Variants in RGS12 observed in about 807,000 individuals in gnomAD.
The protein encoded by RGS12 is regulator of G protein signaling 12.
In RGS12, 66 loss-of-function variants were observed where a neutral mutation model predicts 120.1. The ratio of observed to expected loss-of-function variants is 0.55; its 90% confidence interval spans 0.45 to 0.67. The LOEUF (loss-of-function observed/expected upper bound fraction) is 0.67. Among genes scored for constraint, RGS12 ranks in the 30% least tolerant of loss-of-function variants. RGS12 has a pLI of 0.00. For missense variants in RGS12, 1,859 were observed against 1,957.7 expected (o/e 0.95, Z 0.95); for synonymous variants, 827 against 804.7 (o/e 1.03, Z -0.47).
At chr4:3,308,386 C>T (rs116817306) in intron 1 of RGS12, among the ~76,000 whole-genome samples, 2,270 of 152,242 alleles carry the variant, frequency 0.015, 44 homozygotes, top group African/African-American at 0.048. Context: ...GTTGGCTCGG[C>T]GCTCCTCTTG....
At chr4:3,305,263 G>A (rs3129309) in intron 1 of RGS12, among the ~76,000 whole-genome samples, 21,678 of 152,156 alleles carry the variant, frequency 0.14, 2,005 homozygotes, top group Middle Eastern at 0.27. Context: ...GAAGCGAGTC[G>A]CTAGGTCCAG....
At chr4:3,438,862 G>A (rs1366635876) in intron 17 of RGS12, among the ~76,000 whole-genome samples, 1 of 152,170 alleles carries the variant, frequency 6.6e-6, no homozygotes, top group African/African-American at 2.4e-5. Context: ...GGATGGAGGG[G>A]GAGGGGACAC....
chr4:3,373,112 G>A (rs1185077261), intron 3 of RGS12, among the ~76,000 whole-genome samples: 1 of 152,216 alleles, frequency 6.6e-6, no homozygotes, highest in African/African-American at 2.4e-5. Flanking sequence ...CCGTGTTGGA[G>A]CCTGGGGAAG....
chr4:3,305,468 GCT>G (rs1723920494), intron 1 of RGS12, among the ~76,000 whole-genome samples: 1 of 152,176 alleles, frequency 6.6e-6, no homozygotes, highest in Non-Finnish European at 1.5e-5. Flanking sequence ...CTCTAAACTG[GCT>G]CTAGGTGGGC....
chr4:3,348,556 A>G (rs554561361), intron 3 of RGS12, among the ~76,000 whole-genome samples: 3 of 152,212 alleles, frequency 2.0e-5, no homozygotes, highest in South Asian at 2.1e-4. Flanking sequence ...AGGAATGTCA[A>G]TGTGACAGTT....
Position 3,422,408 on chromosome 4 carries a change from G to A in RGS12, c.2871G>A (p.Lys957=), listed in dbSNP as rs774613165. ...CCTGCAGGACTTTGGCACCCGAGAA[G>A]GACAAGGCCACCAAGCACTGCTGCA... is the stretch of plus-strand genomic sequence containing the variant. ...SEACRTLAPE[K]DKATKHCCIH... Residue 957 remains lysine, a synonymous_variant, in exon 11 of 18, where the codon AAG becomes AAA. Coordinates refer to ENST00000336727, the MANE Select transcript of RGS12 (RefSeq NM_001394154.1). 82 of 1,612,698 alleles carry A rather than the reference G, an allele frequency of 5.1e-5. No individual in the cohort carries two copies. The highest frequency in any genetic ancestry group is 1.6e-4 in the Middle Eastern group (1 of 6,080).
rs762584244 is a variant in RGS12 at position 3,423,508 on chromosome 4, C to T, written c.3108-7C>T. Reference sequence around the variant, plus strand: ...AGTTGGTAGTGAATTTTTTCATCCCCCACCAGGCTGGATCTTGTTCCGATT... The same window carrying T: ...AGTTGGTAGTGAATTTTTTCATCCCTCACCAGGCTGGATCTTGTTCCGATT... On this transcript the variant is annotated splice_polypyrimidine_tract_variant and splice_region_variant and intron_variant, in intron 12 of 17. Coordinates refer to ENST00000336727, the MANE Select transcript of RGS12 (RefSeq NM_001394154.1). The T allele has an allele frequency of 1.2e-6, 2 of 1,612,948 alleles. No individual in the cohort carries two copies. Among genetic ancestry groups the T allele is most frequent in the Non-Finnish European group, 1.7e-6 (2 of 1,179,674 alleles).
intron 3 of RGS12, among the ~76,000 whole-genome samples, chr4:3,383,289 CT>C: frequency 6.6e-6 from 1 of 152,178 alleles, no homozygotes; most frequent in African/African-American, 2.4e-5. Context: ...TCCCTTTACT[CT>C]TTTTGGAGTA....
chr4:3,309,320 C>T (rs116600133), intron 1 of RGS12, among the ~76,000 whole-genome samples: 2,425 of 128,444 alleles, frequency 0.019, 150 homozygotes, highest in African/African-American at 0.071. Context: ...TGAGGAGAAC[C>T]GGGTGGGAGA....
At chr4:3,335,464 G>A (rs1037746917) in intron 2 of RGS12, among the ~76,000 whole-genome samples, 1 of 152,104 alleles carries the variant, frequency 6.6e-6, no homozygotes, top group Non-Finnish European at 1.5e-5. Context: ...CTATGACACC[G>A]ACAGGGTCTC....
chr4:3,425,308 A>G, intron 13 of RGS12, 156 bp from the exon 14 acceptor site: 1 of 699,350 alleles, frequency 1.4e-6, no homozygotes, highest in East Asian at 2.5e-5. Flanking sequence ...GCTCAGCCCC[A>G]GCTTGTGTGC....
chr4:3,368,529 G>A lies in RGS12; in HGVS notation c.1999-17887G>A, dbSNP rs867707274. On this transcript the variant is annotated intron_variant, in intron 3 of 17. Transcript: ENST00000336727. ...GGGTGCCTGTGTGTGTGTGGGGTAC[G>A]TGTGTGTGTGGGGTACGTGTGTGGG... 4.1e-4 allele frequency among the ~76,000 whole-genome samples: 51 copies of A among 123,934 alleles called. 1 individual carries two copies. Among genetic ancestry groups the A allele is most frequent in the Middle Eastern group, 4.7e-3 (1 of 212 alleles). 81.3% of individuals were successfully genotyped at this position (123,934 alleles called of 152,430 possible).
chr4:3,355,102 A>G (rs1033160742), intron 3 of RGS12, among the ~76,000 whole-genome samples: 3 of 152,206 alleles, frequency 2.0e-5, no homozygotes, highest in African/African-American at 7.2e-5. Context: ...AGGGTAACAT[A>G]CACATTTGTT....
At chr4:3,342,729 T>A (rs555964873) in intron 2 of RGS12, among the ~76,000 whole-genome samples, 2 of 152,180 alleles carry the variant, frequency 1.3e-5, no homozygotes, top group Non-Finnish European at 2.9e-5. Flanking sequence ...TACTTGACGA[T>A]CCTGGGATGA....
chr4:3,386,044 G>A (rs1044255231), intron 3 of RGS12: 7 of 274,654 alleles, frequency 2.5e-5, no homozygotes, highest in South Asian at 5.9e-5. Context: ...GTCACGGCAC[G>A]TGGGCACTGA....
chr4:3,365,578 T>G lies in RGS12; in HGVS notation c.1999-20838T>G, dbSNP rs1378139222. The stretch of plus-strand genomic sequence containing the variant: ...TAGTGTGAGTCGGACACGGCCTTCT[T>G]GGCTGTTGGGTTGATAATGTTGGCT... On this transcript the variant is annotated intron_variant, in intron 3 of 17. Transcript: ENST00000336727. This position sits in a 1 kb window ranked among gnomAD's most constrained non-coding sequence, Gnocchi z 4.0. Among the ~76,000 whole-genome samples, 1 of 152,162 alleles carries G rather than the reference T, an allele frequency of 6.6e-6. No homozygotes were observed. The highest frequency in any genetic ancestry group is 1.5e-5 in the Non-Finnish European group (1 of 68,028).
rs533922676 is a variant in RGS12 at position 3,339,162 on chromosome 4, G to T, written c.1882-3775G>T. Among the ~76,000 whole-genome samples, 306 of 152,316 alleles carry T rather than the reference G, an allele frequency of 2.0e-3. 2 individuals carry two copies. The highest frequency in any genetic ancestry group is 7.1e-3 in the African/African-American group (296 of 41,564). On this transcript the variant is annotated intron_variant, in intron 2 of 17. Coordinates refer to ENST00000336727, the MANE Select transcript of RGS12 (RefSeq NM_001394154.1). ...TGTGCTGGGAACAAGTTGCAAGGCT[G>T]ACTGTGGAAGGGCCGCTCACCTGGG...
At chr4:3,431,766 G>A (rs1724331989) in intron 17 of RGS12, 3 of 985,654 alleles carry the variant, frequency 3.0e-6, no homozygotes, top group Non-Finnish European at 3.6e-6. Flanking sequence ...TCAGGGGTGC[G>A]TGGACACCTC....
chr4:3,393,651 GCTTTT>G (rs1719736723), intron 4 of RGS12, among the ~76,000 whole-genome samples: 1 of 152,162 alleles, frequency 6.6e-6, no homozygotes, highest in Admixed American at 6.5e-5. Flanking sequence ...CGCATATTTT[GCTTTT>G]CTTTTTTCTG....
Sources: allele counts gnomAD v4.1 joint callset (sites outside exome capture counted in the v4.1 genomes callset), GRCh38; gene constraint gnomAD v4.1.1; non-coding constraint Gnocchi (gnomAD v3.1); transcripts MANE v1.5; gene names NCBI Gene and HGNC (gene_info 2026-07-23, HGNC 2026-07-21).